Variants in PDZD8 observed in about 807,000 individuals in gnomAD.
PDZD8 encodes PDZ domain-containing protein 8.
PDZD8 carries 14 observed loss-of-function variants against 85.8 expected under a neutral mutation model. That is an observed-to-expected ratio of 0.16 (90% CI 0.11 to 0.26). The LOEUF is 0.26. Among genes scored for constraint, PDZD8 ranks in the 10% least tolerant of loss-of-function variants. PDZD8 has a pLI of 1.00. For missense variants in PDZD8, 1,197 were observed against 1,424.3 expected (o/e 0.84, Z 2.57); for synonymous variants, 592 against 568.6 (o/e 1.04, Z -0.59).
intron 1 of PDZD8, among the ~76,000 whole-genome samples, chr10:117,370,135 T>A (rs549096487): frequency 5.4e-4 from 82 of 152,302 alleles, no homozygotes; most frequent in African/African-American, 1.9e-3. Context: ...ACTATTTTAA[T>A]TAAAAAATCA....
intron 3 of PDZD8, 123 bp downstream of exon 3, chr10:117,318,748 TA>T: frequency 1.6e-6 from 1 of 621,392 alleles, no homozygotes; most frequent in East Asian, 2.9e-5. Context: ...GACAAATAAA[TA>T]AGAACTGTTC....
intron 2 of PDZD8, among the ~76,000 whole-genome samples, chr10:117,330,479 T>C (rs892626024): frequency 6.6e-6 from 1 of 152,170 alleles, no homozygotes; most frequent in Non-Finnish European, 1.5e-5. Flanking sequence ...AAATAATCAG[T>C]ACTTGCTGAG....
intron 1 of PDZD8, among the ~76,000 whole-genome samples, chr10:117,355,589 C>G (rs1309226247): frequency 6.6e-6 from 1 of 152,152 alleles, no homozygotes; most frequent in African/African-American, 2.4e-5. Context: ...AACTTCTGAC[C>G]TTGACCAAAA....
In PDZD8 at chr10:117,350,556, G is replaced by A. The variant is rs112587444; in HGVS notation, c.873-9454C>T. Among the ~76,000 whole-genome samples the A allele has an allele frequency of 3.9e-3, 579 of 150,338 alleles. 4 individuals are homozygous for A. Among genetic ancestry groups the A allele is most frequent in the African/African-American group, 0.013 (551 of 41,094 alleles). On this transcript the variant is annotated intron_variant, in intron 1 of 4. Coordinates refer to ENST00000334464, the MANE Select transcript of PDZD8 (RefSeq NM_173791.5). ...TAGGATTACAGGTGGGAGCCACCACGCTTGGCCCCAGAATCTGTGCTCTTC... is the reference window on the plus strand; with the variant it reads ...TAGGATTACAGGTGGGAGCCACCACACTTGGCCCCAGAATCTGTGCTCTTC...
rs180820737 is a variant in PDZD8, at chr10:117,278,276, C to T, written c.*4992G>A. 6.6e-6 allele frequency: 1 copy of T among 152,130 alleles called. No individual in the cohort carries two copies. The highest frequency in any genetic ancestry group is 1.5e-5 in the Non-Finnish European group (1 of 67,998). The allele number at this position is 152,130 out of a possible 1,614,324, so 9.4% of individuals were successfully genotyped here. A position where few individuals can be genotyped will look rare whatever the true frequency, so the allele number is the denominator to read the frequency against. ...TCTGAAACTACTATTTTTTAGACTC[C>T]TGAAAGTTGTTCACATCAATGTGAA... On this transcript the variant is annotated 3_prime_UTR_variant, in exon 5 of 5. Coordinates refer to ENST00000334464, the MANE Select transcript of PDZD8 (RefSeq NM_173791.5).
chr10:117,286,465 C>T (rs1844666421), intron 4 of PDZD8, among the ~76,000 whole-genome samples: 1 of 152,172 alleles, frequency 6.6e-6, no homozygotes, highest in African/African-American at 2.4e-5. Context: ...TAAGTAACAC[C>T]ACCCCTTTCT....
At chr10:117,357,177 AAGGCC>A (rs1844910080) in intron 1 of PDZD8, among the ~76,000 whole-genome samples, 4 of 152,090 alleles carry the variant, frequency 2.6e-5, no homozygotes, top group Non-Finnish European at 4.4e-5. Context: ...TGGATCACTT[AAGGCC>A]AGGAGTTCGA....
chr10:117,327,581 T>C (rs934894725), intron 2 of PDZD8, among the ~76,000 whole-genome samples: 2 of 152,228 alleles, frequency 1.3e-5, no homozygotes, highest in Admixed American at 6.5e-5. Context: ...CCAAACCTAC[T>C]GTTCTTTCTG....
intron 3 of PDZD8, among the ~76,000 whole-genome samples, chr10:117,298,545 T>C (rs1256578266): frequency 1.3e-5 from 2 of 152,180 alleles, no homozygotes; most frequent in African/African-American, 4.8e-5. Context: ...ATAACTTCTT[T>C]ATAACTATCA....
At chr10:117,336,017 G>A (rs1046801631) in intron 2 of PDZD8, among the ~76,000 whole-genome samples, 1 of 152,146 alleles carries the variant, frequency 6.6e-6, no homozygotes, top group African/African-American at 2.4e-5. Context: ...GACCAGGAGT[G>A]CTTCAGATTT....
Position 117,374,614 on chromosome 10 carries a change from G to A in PDZD8, c.614C>T (p.Ala205Val), listed in dbSNP as rs771680925. Residue 205 changes from alanine to valine, a missense_variant, in exon 1 of 5, where the codon GCC (alanine) becomes GTC (valine). Physicochemically the swap from Ala to Val is moderately conservative, Grantham distance 64 (BLOSUM62 0). Around this residue, in one of 4 missense-constraint regions of PDZD8, gnomAD observed 344 missense variants for 453.6 expected, o/e 0.76. Coordinates refer to ENST00000334464, the MANE Select transcript of PDZD8 (RefSeq NM_173791.5). The surrounding 1 kb of genome is among the most constrained non-coding windows in gnomAD (Gnocchi z 7.8). ...EVEYNGGFHL[A>V]IDVDLVFGKS... ...GCCGAAGACCAGGTCCACGTCGATG[G>A]CCAGGTGGAAGCCCCCGTTGTACTC... 6.3e-7 allele frequency: 1 copy of A among 1,586,960 alleles called. No homozygotes were observed. The highest frequency in any genetic ancestry group is 2.3e-5 in the East Asian group (1 of 43,486).
intron 1 of PDZD8, among the ~76,000 whole-genome samples, chr10:117,361,674 T>A (rs1845000878): frequency 6.6e-6 from 1 of 152,002 alleles, no homozygotes; most frequent in Non-Finnish European, 1.5e-5. Context: ...CAACAAAAAA[T>A]CTGAATAAGA....
rs1335797978 is a variant in PDZD8 at position 117,280,179 on chromosome 10, T to C, written c.*3089A>G. On this transcript the variant is annotated 3_prime_UTR_variant, in exon 5 of 5. Coordinates refer to ENST00000334464, the MANE Select transcript of PDZD8 (RefSeq NM_173791.5). ...ATATAAGGCTTGATATGAAGAAGTA[T>C]AGCCTATTATGATTGCTAATAATGC... is the stretch of plus-strand genomic sequence containing the variant. The C allele has an allele frequency of 6.6e-6, 1 of 152,202 alleles. No individual in the cohort carries two copies. Among genetic ancestry groups the C allele is most frequent in the Non-Finnish European group, 1.5e-5 (1 of 68,030 alleles). The allele number at this position is 152,202 out of a possible 1,614,324, so 9.4% of individuals were successfully genotyped here. A position where few individuals can be genotyped will look rare whatever the true frequency, so the allele number is the denominator to read the frequency against.
chr10:117,374,850 C>T lies in PDZD8; in HGVS notation c.378G>A (p.Glu126=). Reference sequence around the variant, plus strand: ...TCTTGGTCTGCAGCAGCTCCTCGAACTCCACCTTGATCTTCTTGGTGACCC... The same window carrying T: ...TCTTGGTCTGCAGCAGCTCCTCGAATTCCACCTTGATCTTCTTGGTGACCC... The part of the protein sequence containing the change: ...RRWVTKKIKV[E]FEELLQTKTA... The change falls in exon 1 of 5, where the codon GAG becomes GAA. Residue 126 remains glutamate (E), a synonymous_variant. Transcript: ENST00000334464. This position sits in a 1 kb window ranked among gnomAD's most constrained non-coding sequence, Gnocchi z 7.8. 1.9e-6 allele frequency: 3 copies of T among 1,613,680 alleles called. No individual in the cohort carries two copies. The highest frequency in any genetic ancestry group is 2.5e-6 in the Non-Finnish European group (3 of 1,179,926).
chr10:117,323,987 G>T (rs116333400), intron 2 of PDZD8, among the ~76,000 whole-genome samples: 4,924 of 151,940 alleles, frequency 0.032, 86 homozygotes, highest in South Asian at 0.039. Flanking sequence ...CAGCACTTTG[G>T]GGGGCCAAGG....
At chr10:117,350,268 CTTTTT>C (rs55833923) in intron 1 of PDZD8, among the ~76,000 whole-genome samples, 3 of 137,728 alleles carry the variant, frequency 2.2e-5, no homozygotes, top group Non-Finnish European at 3.1e-5. Flanking sequence ...TTGTTTGTTT[CTTTTT>C]TTTTTTTTTT....
In PDZD8 at chr10:117,284,164, A is replaced by G. The variant is rs1844616101; in HGVS notation, c.2569T>C (p.Cys857Arg). Reference sequence around the variant, plus strand: ...GCTTTAGTCCAAACTTTTTTCTTACAGTAGTCACACCATGTTGGGTTCTGG... The same window carrying G: ...GCTTTAGTCCAAACTTTTTTCTTACGGTAGTCACACCATGTTGGGTTCTGG... The part of the protein sequence containing the change: ...QFQNPTWCDY[C>R]KKKVWTKAAS... The change falls in exon 5 of 5, where the codon TGT (cysteine) becomes CGT (arginine). Residue 857 changes from cysteine to arginine, a missense_variant. By Grantham distance (180) the Cys-to-Arg change is radical. Transcript: ENST00000334464. The G allele has an allele frequency of 6.2e-7, 1 of 1,614,216 alleles. No homozygotes were observed. Among genetic ancestry groups the G allele is most frequent in the Non-Finnish European group, 8.5e-7 (1 of 1,180,044 alleles).
At position 117,279,226 on chromosome 10, in the gene PDZD8, T is replaced by C. The variant is rs1424818613; in HGVS notation, c.*4042A>G. The C allele has an allele frequency of 6.6e-6, 1 of 152,230 alleles. No homozygotes were observed. Among genetic ancestry groups the C allele is most frequent in the Admixed American group, 6.5e-5 (1 of 15,288 alleles). 9.4% of individuals were successfully genotyped at this position (152,230 alleles called of 1,614,324 possible). A position where few individuals can be genotyped will look rare whatever the true frequency, so the allele number is the denominator to read the frequency against. ...CTTGGTTAGCAAGACTGGAAAGAGGTGTTTTTTTAAAATGTACATACCAGA... is the reference window on the plus strand; with the variant it reads ...CTTGGTTAGCAAGACTGGAAAGAGGCGTTTTTTTAAAATGTACATACCAGA... On this transcript the variant is annotated 3_prime_UTR_variant, in exon 5 of 5. Coordinates refer to ENST00000334464, the MANE Select transcript of PDZD8 (RefSeq NM_173791.5).
chr10:117,319,734 G>GC (rs1844196899), intron 2 of PDZD8, among the ~76,000 whole-genome samples: 1 of 151,986 alleles, frequency 6.6e-6, no homozygotes, highest in Non-Finnish European at 1.5e-5. Context: ...ATATAATATA[G>GC]TTTTTATTGC....
Sources: gnomAD v4.1 joint callset for allele counts (sites outside exome capture counted in the v4.1 genomes callset) on GRCh38, gnomAD v4.1.1 for gene constraint, gnomAD v4.1.1 regional missense constraint, Gnocchi (gnomAD v3.1) non-coding constraint, MANE v1.5 for transcripts, NCBI Gene and HGNC (gene_info 2026-07-23, HGNC 2026-07-21) for gene names.